HSPA12A: variants seen among roughly 807,000 people sequenced by gnomAD.
HSPA12A encodes the protein heat shock protein family A (Hsp70) member 12A, also known as heat shock 70 kDa protein 12A.
In HSPA12A, 28 loss-of-function variants were observed where a neutral mutation model predicts 69.2. The ratio of observed to expected loss-of-function variants is 0.40; its 90% CI spans 0.30 to 0.55. The LOEUF (loss-of-function observed/expected upper bound fraction) is 0.55, where lower values mean the gene tolerates loss of function less well. Ranked by LOEUF, HSPA12A falls within the 20% of genes least tolerant of loss-of-function variation. HSPA12A has a pLI of 0.38. For missense variants in HSPA12A, 686 were observed against 900.7 expected, an observed-to-expected ratio of 0.76 and a Z score of 3.05; for synonymous variants, 345 against 370.5, an observed-to-expected ratio of 0.93 and a Z score of 0.79.
intron 2 of HSPA12A, among the ~76,000 whole-genome samples, chr10:116,795,699 AAAAAAT>A (rs1333311175): frequency 1.4e-5 from 2 of 140,930 alleles, no homozygotes; most frequent in Non-Finnish European, 3.2e-5. Context: ...AAAAAAAAAA[AAAAAAT>A]TATAGTAAAT....
At position 116,822,504 on chromosome 10, in the gene HSPA12A, C is replaced by T. The variant is rs1267387427; in HGVS notation, c.91+12431G>A. Among the ~76,000 whole-genome samples the T allele has an allele frequency of 5.5e-4, 83 of 152,088 alleles. 2 individuals are homozygous for T. The highest frequency in any genetic ancestry group is 5.2e-3 in the Admixed American group (80 of 15,260). The stretch of plus-strand genomic sequence containing the variant: ...TCCTTCCTTGATAGGATTAAGAGAC[C>T]GGTAGAAATGAGGGAGATCAAGAGT... On this transcript the variant is annotated intron_variant, in intron 2 of 12. Transcript: ENST00000635765.
intron 1 of HSPA12A, among the ~76,000 whole-genome samples, chr10:116,721,432 A>G (rs530949720): frequency 8.1e-4 from 123 of 152,338 alleles, no homozygotes; most frequent in Non-Finnish European, 1.5e-3. Context: ...AGCTGTGATG[A>G]GGCCAGCAGG....
At chr10:116,805,622 A>T (rs1845052213) in intron 2 of HSPA12A, among the ~76,000 whole-genome samples, 1 of 152,196 alleles carries the variant, frequency 6.6e-6, no homozygotes, top group African/African-American at 2.4e-5. Context: ...TGAAAAAAAC[A>T]AATTCACCTG....
intron 4 of HSPA12A, among the ~76,000 whole-genome samples, chr10:116,699,197 T>C (rs1361074907): frequency 1.3e-5 from 2 of 152,116 alleles, no homozygotes; most frequent in Non-Finnish European, 2.9e-5. Flanking sequence ...AAGCTTTCAT[T>C]CCCCATTACG....
At chr10:116,746,012 G>T (rs1851640302), upstream of HSPA12A, among the ~76,000 whole-genome samples, 1 of 152,022 alleles carries the variant, frequency 6.6e-6, no homozygotes, top group East Asian at 1.9e-4. Flanking sequence ...GCTCTCCAAA[G>T]TGGGACCAGC....
In HSPA12A at chr10:116,752,032, C is replaced by A. The variant is rs1048692276; in HGVS notation, c.92-44747G>T. ...ATGAATCACCTAGTCTCAGCTATTT[C>A]TTTATAGCAACACAAAAATGGACCG... is the stretch of plus-strand genomic sequence containing the variant. On this transcript the variant is annotated intron_variant, in intron 2 of 12. Coordinates refer to the HSPA12A transcript ENST00000635765. Among the ~76,000 whole-genome samples, 3 of 152,236 alleles carry A rather than the reference C, an allele frequency of 2.0e-5. No homozygotes were observed. In the South Asian group the frequency reaches 6.2e-4, roughly 32 times the overall value.
At chr10:116,695,278 T>A (rs1368338066) in intron 5 of HSPA12A, among the ~76,000 whole-genome samples, 1 of 152,066 alleles carries the variant, frequency 6.6e-6, no homozygotes, top group East Asian at 1.9e-4. Context: ...CGAAAACTCA[T>A]GTGTTGGAAA....
intron 2 of HSPA12A, among the ~76,000 whole-genome samples, chr10:116,777,426 C>T (rs1844363030): frequency 6.6e-6 from 1 of 152,278 alleles, no homozygotes; most frequent in Admixed American, 6.5e-5. Flanking sequence ...CACAGAGCAG[C>T]TGCTGCTGGC....
chr10:116,803,547 A>G (rs1205473843), intron 2 of HSPA12A, among the ~76,000 whole-genome samples: 2 of 152,208 alleles, frequency 1.3e-5, no homozygotes, highest in African/African-American at 4.8e-5. Context: ...AGGTTCCAGG[A>G]AAACACCCAC....
intron 2 of HSPA12A, among the ~76,000 whole-genome samples, chr10:116,763,358 C>T (rs566698356): frequency 6.6e-5 from 10 of 152,262 alleles, no homozygotes; most frequent in South Asian, 2.1e-4. Context: ...CGGTGAAACA[C>T]GATCATTTTC....
At chr10:116,771,975 C>T (rs1430965259) in intron 2 of HSPA12A, among the ~76,000 whole-genome samples, 4 of 152,184 alleles carry the variant, frequency 2.6e-5, no homozygotes, top group Non-Finnish European at 5.9e-5. Context: ...CAGTCCCCAC[C>T]GTATTTCCCA....
At chr10:116,769,520 C>T (rs1844152366) in intron 2 of HSPA12A, among the ~76,000 whole-genome samples, 1 of 152,158 alleles carries the variant, frequency 6.6e-6, no homozygotes, top group African/African-American at 2.4e-5. Context: ...CTCTCCTGGG[C>T]TGTGTCTTCC....
chr10:116,740,203 C>A (rs1851440062), intron 1 of HSPA12A, among the ~76,000 whole-genome samples: 1 of 152,186 alleles, frequency 6.6e-6, no homozygotes, highest in South Asian at 2.1e-4. Flanking sequence ...AGATGTGTGA[C>A]CTTGGATAGG....
intron 1 of HSPA12A, among the ~76,000 whole-genome samples, chr10:116,708,616 C>T (rs1395040609): frequency 6.6e-6 from 1 of 152,204 alleles, no homozygotes; most frequent in Non-Finnish European, 1.5e-5. Flanking sequence ...ACCTCCCACT[C>T]TCTGCAAGCT....
intron 2 of HSPA12A, among the ~76,000 whole-genome samples, chr10:116,755,428 A>G (rs1464313461): frequency 1.3e-5 from 2 of 151,878 alleles, no homozygotes; most frequent in Admixed American, 6.6e-5. Context: ...CATGGCCAAC[A>G]TGGTGGAACT....
chr10:116,782,256 C>T (rs116026844), intron 2 of HSPA12A, among the ~76,000 whole-genome samples: 1,535 of 152,154 alleles, frequency 0.01, 28 homozygotes, highest in African/African-American at 0.035. Flanking sequence ...GGGTGAGCAC[C>T]GGGGATCTTT....
chr10:116,762,086 T>C (rs1843985394), intron 2 of HSPA12A, among the ~76,000 whole-genome samples: 1 of 152,238 alleles, frequency 6.6e-6, no homozygotes, highest in South Asian at 2.1e-4. Flanking sequence ...TGCTAGGCAC[T>C]GTGCTAGGCT....
intron 2 of HSPA12A, among the ~76,000 whole-genome samples, chr10:116,769,529 C>G (rs1844152532): frequency 6.6e-6 from 1 of 152,168 alleles, no homozygotes; most frequent in East Asian, 1.9e-4. Context: ...GCTGTGTCTT[C>G]CTGTCTGGCT....
chr10:116,850,288 G>C, upstream of HSPA12A: 1 of 168,054 alleles, frequency 6.0e-6, no homozygotes, highest in South Asian at 1.4e-4. Context: ...TGCCCACGTA[G>C]CCCTGGACCA....
Sources: gnomAD v4.1 joint callset for allele counts (sites outside exome capture counted in the v4.1 genomes callset) on GRCh38, gnomAD v4.1.1 for gene constraint, MANE v1.5 for transcripts, NCBI Gene and HGNC (gene_info 2026-07-23, HGNC 2026-07-21) for gene names.